The following PHACTR1 variants were observed in gnomAD, a reference collection of about 807,000 sequenced individuals.
The protein encoded by PHACTR1 is RPEL repeat containing 1.
Under a neutral mutation model 69.2 loss-of-function variants are expected in PHACTR1, and 16 were observed. The observed-to-expected ratio is 0.23, with a 90% confidence interval of 0.16 to 0.35. PHACTR1 has a LOEUF of 0.35. Among genes scored for constraint, PHACTR1 ranks in the 10% least tolerant of loss-of-function variants. The pLI, the probability that PHACTR1 is intolerant of heterozygous loss-of-function variation, is 1.00. For missense variants in PHACTR1, 510 were observed against 734.7 expected, an observed-to-expected ratio of 0.69 and a Z score of 3.54; for synonymous variants, 312 against 284.5, an observed-to-expected ratio of 1.10 and a Z score of -0.97.
At chr6:12,722,386 A>T (rs80118320) in intron 3 of PHACTR1, among the ~76,000 whole-genome samples, 4,930 of 152,280 alleles carry the variant, frequency 0.032, 244 homozygotes, top group African/African-American at 0.11. Context: ...GGAAGATAAC[A>T]CCTTCTGTAT....
chr6:13,280,089 A>G (rs1047901700), intron 12 of PHACTR1: 5 of 152,210 alleles, frequency 3.3e-5, no homozygotes, highest in African/African-American at 4.8e-5. Context: ...AACAAAGTTG[A>G]TATGATTTTG....
intron 4 of PHACTR1, among the ~76,000 whole-genome samples, chr6:12,889,797 C>CTTTT (rs4053036): frequency 4.5e-5 from 6 of 132,964 alleles, no homozygotes; most frequent in African/African-American, 8.5e-5. Context: ...CTCCTTCTTC[C>CTTTT]TTTTTTTTTT....
At chr6:12,795,687 T>G (rs903830018) in intron 4 of PHACTR1, among the ~76,000 whole-genome samples, 1 of 151,846 alleles carries the variant, frequency 6.6e-6, no homozygotes, top group South Asian at 2.1e-4. Flanking sequence ...TTAAACAATT[T>G]GAGAGAGGTC....
intron 5 of PHACTR1, among the ~76,000 whole-genome samples, chr6:13,062,071 G>T (rs576365581): frequency 6.6e-6 from 1 of 152,254 alleles, no homozygotes; most frequent in Admixed American, 6.5e-5. Flanking sequence ...TCAGCTTCAC[G>T]TAATTGATGA....
chr6:12,720,249 G>A (rs191466342), intron 3 of PHACTR1, among the ~76,000 whole-genome samples: 133 of 152,306 alleles, frequency 8.7e-4, no homozygotes, highest in Middle Eastern at 3.4e-3. Flanking sequence ...TGGTCCATTC[G>A]ACTGGAATGA....
chr6:12,725,147 T>C (rs1034772936), intron 3 of PHACTR1, among the ~76,000 whole-genome samples: 1 of 152,110 alleles, frequency 6.6e-6, no homozygotes, highest in African/African-American at 2.4e-5. Flanking sequence ...CCAAACCCCG[T>C]CTCTCCCCTC....
At chr6:12,770,544 G>T (rs561388637) in intron 4 of PHACTR1, among the ~76,000 whole-genome samples, 2 of 152,308 alleles carry the variant, frequency 1.3e-5, no homozygotes, top group South Asian at 4.2e-4. Context: ...AGCTTCAAGA[G>T]TTGAGGGGCA....
chr6:13,058,388 C>T (rs1807120444), intron 5 of PHACTR1, among the ~76,000 whole-genome samples: 1 of 152,074 alleles, frequency 6.6e-6, no homozygotes, highest in African/African-American at 2.4e-5. Flanking sequence ...TCCCTTTGTG[C>T]TTCTAAGATT....
intron 5 of PHACTR1, among the ~76,000 whole-genome samples, chr6:13,146,273 TC>T (rs1211213226): frequency 6.6e-6 from 1 of 152,186 alleles, no homozygotes; most frequent in Non-Finnish European, 1.5e-5. Flanking sequence ...TGGGGAGAAA[TC>T]AAGTCTTCAC....
chr6:12,801,765 T>C (rs1042398063), intron 4 of PHACTR1, among the ~76,000 whole-genome samples: 4 of 152,178 alleles, frequency 2.6e-5, no homozygotes, highest in African/African-American at 9.6e-5. Context: ...CAAATGAGAA[T>C]TATTTAATAT....
intron 4 of PHACTR1, among the ~76,000 whole-genome samples, chr6:13,017,418 T>C (rs1335990515): frequency 6.6e-6 from 1 of 152,118 alleles, no homozygotes; most frequent in East Asian, 1.9e-4. Flanking sequence ...TTGCAGAATT[T>C]TCTGCTGCAT....
At chr6:12,783,449 G>A (rs1458900975) in intron 4 of PHACTR1, among the ~76,000 whole-genome samples, 4 of 151,996 alleles carry the variant, frequency 2.6e-5, no homozygotes, top group Non-Finnish European at 5.9e-5. Context: ...TTGCTCTTTT[G>A]TGCATAGCAA....
chr6:13,146,871 A>G (rs1823434459), intron 5 of PHACTR1, among the ~76,000 whole-genome samples: 1 of 152,216 alleles, frequency 6.6e-6, no homozygotes, highest in Non-Finnish European at 1.5e-5. Flanking sequence ...GGCAGCAGAG[A>G]ACAGGGTGGA....
chr6:13,214,322 C>T (rs187332473), intron 8 of PHACTR1: 1 of 152,118 alleles, frequency 6.6e-6, no homozygotes, highest in East Asian at 1.9e-4. Context: ...TTAGAAACAA[C>T]GTACAAAGTT....
At position 12,798,427 on chromosome 6, in the gene PHACTR1, A is replaced by G. The variant is rs181368315; in HGVS notation, c.250+48637A>G. 1.4e-3 allele frequency among the ~76,000 whole-genome samples: 207 copies of G among 152,150 alleles called. 1 individual carries two copies. Among genetic ancestry groups the G allele is most frequent in the Non-Finnish European group, 2.0e-3 (139 of 68,038 alleles). On this transcript the variant is annotated intron_variant, in intron 4 of 14. Transcript: ENST00000332995. ...GGAAAGAGGTAGGAAGTGATTTAAG[A>G]TTTCAAGGGATTAATGACTCAAAAA...
At chr6:12,872,287 A>G (rs1263267186) in intron 4 of PHACTR1, among the ~76,000 whole-genome samples, 1 of 152,214 alleles carries the variant, frequency 6.6e-6, no homozygotes, top group African/African-American at 2.4e-5. Context: ...CTAACTAAAA[A>G]CTAGAAGTAG....
intron 4 of PHACTR1, among the ~76,000 whole-genome samples, chr6:12,880,482 C>T (rs1782981522): frequency 6.6e-6 from 1 of 152,110 alleles, no homozygotes; most frequent in Non-Finnish European, 1.5e-5. Flanking sequence ...TCTGGAACTT[C>T]TCAGCTCAAG....
At chr6:13,095,306 A>G (rs1165387950) in intron 5 of PHACTR1, among the ~76,000 whole-genome samples, 1 of 152,256 alleles carries the variant, frequency 6.6e-6, no homozygotes, top group Admixed American at 6.5e-5. Flanking sequence ...TTAATTCATA[A>G]AATAAGCAAA....
intron 7 of PHACTR1, among the ~76,000 whole-genome samples, chr6:13,192,547 CT>C (rs1295932157): frequency 6.6e-6 from 1 of 152,218 alleles, no homozygotes; most frequent in African/African-American, 2.4e-5. Context: ...AAGTTAGCAT[CT>C]TTTGTGCACT....
Sources: gnomAD v4.1 joint callset for allele counts (sites outside exome capture counted in the v4.1 genomes callset) on GRCh38, gnomAD v4.1.1 for gene constraint, MANE v1.5 for transcripts, NCBI Gene and HGNC (gene_info 2026-07-23, HGNC 2026-07-21) for gene names.